LANCL2: variants seen among roughly 807,000 people sequenced by gnomAD.
LANCL2 encodes the protein LanC like glutathione S-transferase 2.
A neutral mutation model predicts 56.9 loss-of-function variants in LANCL2; 33 were observed. The ratio of observed to expected loss-of-function variants is 0.58; its 90% CI spans 0.44 to 0.78. The LOEUF is 0.78. Ranked by LOEUF, LANCL2 falls within the 30% of genes least tolerant of loss-of-function variation. The pLI is 0.00. For missense variants in LANCL2, 562 were observed against 580.2 expected (o/e 0.97, Z 0.32); for synonymous variants, 233 against 228.2 (o/e 1.02, Z -0.19).
intron 6 of LANCL2, among the ~76,000 whole-genome samples, chr7:55,414,989 AAAAAAAAAAAAAG>A (rs1367196150): frequency 6.9e-6 from 1 of 144,506 alleles, no homozygotes; most frequent in Admixed American, 6.9e-5. Flanking sequence ...ACCTCAAAAA[AAAAAAAAAAAAAG>A]AAAAGAAAAG....
Position 55,411,966 on chromosome 7 carries a change from T to C in LANCL2, c.885T>C (p.Tyr295=), listed in dbSNP as rs990082651. 3 of 1,614,134 alleles carry C rather than the reference T, an allele frequency of 1.9e-6. No homozygotes were observed. The highest frequency in any genetic ancestry group is 2.7e-5 in the African/African-American group (2 of 74,946). ...LTEMVKPSID[Y]VRHKKFRSGN... ...AAATGGTGAAACCCAGTATTGATTA[T>C]GTGCGCCACAAAAAATTCCGATCTG... Residue 295 remains tyrosine (Y), a synonymous_variant, in exon 6 of 9, where the codon TAT becomes TAC. Transcript: ENST00000254770.
chr7:55,406,852 G>T (rs1042217793), intron 5 of LANCL2, among the ~76,000 whole-genome samples: 5 of 152,204 alleles, frequency 3.3e-5, no homozygotes, highest in Non-Finnish European at 7.3e-5. Flanking sequence ...GGGACATCTG[G>T]AGCTCCAGCT....
chr7:55,396,473 G>A (rs1790254110), intron 2 of LANCL2, among the ~76,000 whole-genome samples: 1 of 152,234 alleles, frequency 6.6e-6, no homozygotes, highest in Admixed American at 6.5e-5. Context: ...CATTGGGGAA[G>A]GGAGATGATC....
chr7:55,371,607 A>G (rs1789944204), intron 1 of LANCL2, among the ~76,000 whole-genome samples: 1 of 152,160 alleles, frequency 6.6e-6, no homozygotes, highest in African/African-American at 2.4e-5. Flanking sequence ...AATTATTGCT[A>G]TGGCCGGTGT....
Position 55,401,330 on chromosome 7 carries a change from A to C in LANCL2, c.825+10A>C. On this transcript the variant is annotated intron_variant, in intron 5 of 8. Transcript: ENST00000254770. ...CTATATGTTAATGCAGGTAGGTAAG[A>C]ATACTCTTACACACTACAGTATATT... The C allele has an allele frequency of 6.8e-6, 11 of 1,610,750 alleles. No homozygotes were observed. Among genetic ancestry groups the C allele is most frequent in the Non-Finnish European group, 6.8e-6 (8 of 1,177,036 alleles).
chr7:55,366,014 AC>A lies in LANCL2; in HGVS notation c.-10del. The A allele has an allele frequency of 2.8e-6, 4 of 1,429,452 alleles. No homozygotes were observed. In the South Asian group the frequency reaches 4.3e-5, roughly 15 times the overall value. 88.5% of individuals were successfully genotyped at this position (1,429,452 alleles called of 1,614,324 possible). A position where few individuals can be genotyped will look rare whatever the true frequency, so the allele number is the denominator to read the frequency against. ...AGGTTTGTCCCCGCCCGCGCGCCGT[AC>A]CGCGGCGGAGATGGGCGAGACCATG... On this transcript the variant is annotated 5_prime_UTR_variant, in exon 1 of 9. Coordinates refer to ENST00000254770, the MANE Select transcript of LANCL2 (RefSeq NM_018697.4).
intron 7 of LANCL2, among the ~76,000 whole-genome samples, chr7:55,426,739 A>G (rs1790668329): frequency 6.6e-6 from 1 of 152,224 alleles, no homozygotes; most frequent in South Asian, 2.1e-4. Flanking sequence ...CTGCTGTTCC[A>G]AAGGCCCGGA....
At chr7:55,389,403 A>G (rs1267060408) in intron 1 of LANCL2, among the ~76,000 whole-genome samples, 3 of 152,344 alleles carry the variant, frequency 2.0e-5, no homozygotes, top group East Asian at 3.9e-4. Flanking sequence ...ACCTAACTGT[A>G]TGTTACACAA....
chr7:55,420,693 C>G lies in LANCL2; in HGVS notation c.1009-4561C>G, dbSNP rs1255759250. On this transcript the variant is annotated intron_variant, in intron 6 of 8. Transcript: ENST00000254770. ...CAGTTCTATCATTGTAGCACAAAAGCAGCCACAGCCAGTGTGTGAATGAAC... is the reference window on the plus strand; with the variant it reads ...CAGTTCTATCATTGTAGCACAAAAGGAGCCACAGCCAGTGTGTGAATGAAC... Among the ~76,000 whole-genome samples, 4 of 152,250 alleles carry G rather than the reference C, an allele frequency of 2.6e-5. 1 individual carries two copies. Among genetic ancestry groups the G allele is most frequent in the Middle Eastern group, 6.3e-3 (2 of 316 alleles).
At chr7:55,378,976 CA>C (rs1277962219) in intron 1 of LANCL2, among the ~76,000 whole-genome samples, 1 of 152,076 alleles carries the variant, frequency 6.6e-6, no homozygotes, top group African/African-American at 2.4e-5. Flanking sequence ...ACTAAAAATA[CA>C]AAAAATTAGC....
intron 6 of LANCL2, among the ~76,000 whole-genome samples, chr7:55,415,826 G>A: frequency 6.6e-6 from 1 of 151,906 alleles, no homozygotes; most frequent in Non-Finnish European, 1.5e-5. Context: ...TGTTGCCCAG[G>A]CTAGTCTTGA....
chr7:55,403,566 G>A (rs1382770815), intron 5 of LANCL2, among the ~76,000 whole-genome samples: 1 of 129,676 alleles, frequency 7.7e-6, no homozygotes, highest in Non-Finnish European at 1.6e-5. Context: ...TTGTTTGTTT[G>A]TTGTTTTTTT....
At position 55,431,469 on chromosome 7, in the gene LANCL2, A is replaced by C; in HGVS notation, c.*149A>C. On this transcript the variant is annotated 3_prime_UTR_variant, in exon 9 of 9. Coordinates refer to ENST00000254770, the MANE Select transcript of LANCL2 (RefSeq NM_018697.4). ...TAGACTAGCATGAGTGACCGAAGCCATCCATCAACATTTTCTAACAGCACC... is the reference window on the plus strand; with the variant it reads ...TAGACTAGCATGAGTGACCGAAGCCCTCCATCAACATTTTCTAACAGCACC... The C allele has an allele frequency of 1.8e-6, 1 of 548,026 alleles. No homozygotes were observed. The highest frequency in any genetic ancestry group is 3.2e-6 in the Non-Finnish European group (1 of 311,732). 33.9% of individuals were successfully genotyped at this position (548,026 alleles called of 1,614,324 possible).
intron 6 of LANCL2, among the ~76,000 whole-genome samples, chr7:55,419,517 G>C (rs1790585294): frequency 6.7e-6 from 1 of 149,616 alleles, no homozygotes; most frequent in Admixed American, 6.7e-5. Flanking sequence ...TTCTCCTGCT[G>C]CAGCCTTCCA....
chr7:55,411,955 A>C lies in LANCL2; in HGVS notation c.874A>C (p.Ser292Arg). The C allele has an allele frequency of 6.2e-7, 1 of 1,614,238 alleles. No individual in the cohort carries two copies. Among genetic ancestry groups the C allele is most frequent in the Non-Finnish European group, 8.5e-7 (1 of 1,180,036 alleles). The part of the protein sequence containing the change: ...QETLTEMVKP[S>R]IDYVRHKKFR... ...AACCTTGACAGAAATGGTGAAACCC[A>C]GTATTGATTATGTGCGCCACAAAAA... The change falls in exon 6 of 9, where the codon AGT becomes CGT. Residue 292 changes from serine to arginine, a missense_variant. Coordinates refer to ENST00000254770, the MANE Select transcript of LANCL2 (RefSeq NM_018697.4).
chr7:55,387,521 T>C (rs1453653901), intron 1 of LANCL2, among the ~76,000 whole-genome samples: 2 of 151,074 alleles, frequency 1.3e-5, no homozygotes, highest in Non-Finnish European at 2.9e-5. Flanking sequence ...TTCTGATATA[T>C]GCTTCTGAGT....
intron 1 of LANCL2, among the ~76,000 whole-genome samples, chr7:55,383,831 C>G (rs574714426): frequency 7.2e-6 from 1 of 139,578 alleles, no homozygotes; most frequent in African/African-American, 2.4e-5. Flanking sequence ...AGTGAGACTT[C>G]GTCTCTCTCT....
At chr7:55,425,941 A>T (rs889491121) in intron 7 of LANCL2, among the ~76,000 whole-genome samples, 2 of 151,994 alleles carry the variant, frequency 1.3e-5, no homozygotes, top group Non-Finnish European at 2.9e-5. Context: ...TCTCTGCCTG[A>T]TCTCCTTGCC....
intron 5 of LANCL2, chr7:55,411,446 T>TG (rs1790469175): frequency 6.5e-6 from 1 of 152,830 alleles, no homozygotes; most frequent in Admixed American, 6.5e-5. Flanking sequence ...AGGAGTTGAG[T>TG]GCTATGATTA....
Sources: allele counts gnomAD v4.1 joint callset (sites outside exome capture counted in the v4.1 genomes callset), GRCh38; gene constraint gnomAD v4.1.1; transcripts MANE v1.5; gene names NCBI Gene and HGNC (gene_info 2026-07-23, HGNC 2026-07-21).